The following SLC35F2 variants were observed in gnomAD, a reference collection of about 807,000 sequenced individuals.
SLC35F2 encodes solute carrier family 35 member F2, also known as queuine/queuosine transporter SLC35F2.
Under a neutral mutation model 38.1 loss-of-function variants are expected in SLC35F2, and 25 were observed. The observed-to-expected ratio is 0.66, with a 90% CI of 0.48 to 0.92. The LOEUF is 0.92. Ranked by LOEUF, SLC35F2 falls within the 40% of genes least tolerant of loss-of-function variation. SLC35F2 has a pLI of 0.00. For missense variants in SLC35F2, 409 were observed against 452.9 expected (o/e 0.90, Z 0.88); for synonymous variants, 173 against 181.7 (o/e 0.95, Z 0.38).
intron 1 of SLC35F2, among the ~76,000 whole-genome samples, chr11:107,839,950 A>C (rs954227584): frequency 1.3e-5 from 2 of 152,078 alleles, no homozygotes; most frequent in African/African-American, 4.8e-5. Flanking sequence ...ACCGTGCCCA[A>C]CCTGAAACAC....
At chr11:107,814,325 C>G (rs1373848727) in intron 2 of SLC35F2, among the ~76,000 whole-genome samples, 1 of 151,576 alleles carries the variant, frequency 6.6e-6, no homozygotes, top group Non-Finnish European at 1.5e-5. Flanking sequence ...TGTGGTGGCA[C>G]GTGCCTGTAA....
intron 1 of SLC35F2, among the ~76,000 whole-genome samples, chr11:107,840,498 C>T (rs71488283): frequency 0.059 from 8,970 of 152,272 alleles, 297 homozygotes; most frequent in East Asian, 0.099. Context: ...ACTAGATTTC[C>T]CTCATTGCGG....
intron 1 of SLC35F2, among the ~76,000 whole-genome samples, chr11:107,830,435 T>G (rs1859820646): frequency 1.3e-5 from 2 of 151,508 alleles, no homozygotes; most frequent in Admixed American, 1.3e-4. Context: ...AACACAAAAA[T>G]TAGCTGGGCA....
intron 1 of SLC35F2, among the ~76,000 whole-genome samples, chr11:107,848,774 G>A (rs1481123082): frequency 6.6e-6 from 1 of 152,122 alleles, no homozygotes; most frequent in African/African-American, 2.4e-5. Flanking sequence ...GGGTGCCAGA[G>A]GCCAGCCCAG....
chr11:107,836,858 T>C (rs1449791864), intron 1 of SLC35F2, among the ~76,000 whole-genome samples: 1 of 152,228 alleles, frequency 6.6e-6, no homozygotes, highest in Non-Finnish European at 1.5e-5. Context: ...CAACAATGCA[T>C]GTGATACTTT....
intron 3 of SLC35F2, among the ~76,000 whole-genome samples, 168 bp downstream of exon 3, chr11:107,811,499 A>C (rs1859479060): frequency 1.3e-5 from 2 of 152,238 alleles, no homozygotes; most frequent in South Asian, 4.1e-4. Flanking sequence ...CACTAATTCT[A>C]GGAAACATTA....
chr11:107,822,395 T>C (rs1226546794), intron 1 of SLC35F2, among the ~76,000 whole-genome samples: 2 of 152,218 alleles, frequency 1.3e-5, no homozygotes, highest in African/African-American at 2.4e-5. Context: ...TTTATTTACA[T>C]CTTCAGTCAG....
chr11:107,796,929 T>C (rs994807562), intron 7 of SLC35F2, among the ~76,000 whole-genome samples: 1 of 152,158 alleles, frequency 6.6e-6, no homozygotes, highest in Non-Finnish European at 1.5e-5. Context: ...TGTCTTGGCC[T>C]CCCAAAGTGG....
At chr11:107,812,116 G>A (rs1439271057) in intron 2 of SLC35F2, among the ~76,000 whole-genome samples, 1 of 152,084 alleles carries the variant, frequency 6.6e-6, no homozygotes, top group Non-Finnish European at 1.5e-5. Context: ...ATGTTGCCCA[G>A]GCTGGTCTTG....
chr11:107,799,075 CAAACA>C (rs2134761914), intron 7 of SLC35F2, among the ~76,000 whole-genome samples: 1 of 152,294 alleles, frequency 6.6e-6, no homozygotes, highest in Non-Finnish European at 1.5e-5. Flanking sequence ...GACTCTGTCG[CAAACA>C]AAACAAACTA....
chr11:107,834,377 G>A (rs1167527599), intron 1 of SLC35F2, among the ~76,000 whole-genome samples: 2 of 152,154 alleles, frequency 1.3e-5, no homozygotes, highest in Admixed American at 6.6e-5. Flanking sequence ...GCGGCTGGGC[G>A]CGGTGGCTCA....
chr11:107,812,352 A>T (rs1439342291), intron 2 of SLC35F2, among the ~76,000 whole-genome samples: 1 of 152,124 alleles, frequency 6.6e-6, no homozygotes, highest in Non-Finnish European at 1.5e-5. Flanking sequence ...AAAGCACCAG[A>T]ATGAAAGTAA....
intron 1 of SLC35F2, among the ~76,000 whole-genome samples, chr11:107,830,390 C>G (rs568829763): frequency 6.6e-6 from 1 of 151,880 alleles, no homozygotes. Flanking sequence ...TCGAGAACAT[C>G]CTGGCCAACA....
rs201609405 is a variant in SLC35F2 at position 107,857,221 on chromosome 11, AGGAGGGAG to A, written c.110+1429_110+1436del. Among the ~76,000 whole-genome samples, 5 of 79,788 alleles carry A rather than the reference AGGAGGGAG, an allele frequency of 6.3e-5. No individual in the cohort carries two copies. The South Asian group carries it at 1.4e-3, about 22-fold the overall frequency. The allele number at this position is 79,788 out of a possible 152,430, so 52.3% of individuals were successfully genotyped here. A position where few individuals can be genotyped will look rare whatever the true frequency, so the allele number is the denominator to read the frequency against. Reference sequence around the variant, plus strand: ...CACGGACGGAAGGAAGGAACAAAGAAGGAGGGAGGGAGGGAGGGAGGGAACTGGAGTAC... The same window carrying A: ...CACGGACGGAAGGAAGGAACAAAGAAGGAGGGAGGGAGGGAACTGGAGTAC... On this transcript the variant is annotated intron_variant, in intron 1 of 7. Coordinates refer to ENST00000525815, the MANE Select transcript of SLC35F2 (RefSeq NM_017515.5).
In SLC35F2 at chr11:107,850,737, G is replaced by A. The variant is rs142712543; in HGVS notation, c.110+7921C>T. Among the ~76,000 whole-genome samples the A allele has an allele frequency of 4.3e-3, 636 of 149,048 alleles. 2 individuals are homozygous for A. The highest frequency in any genetic ancestry group is 0.015 in the African/African-American group (608 of 40,444). ...CTCGGGAGGCTGAGGCAAGAGATTCGTTTGAACCAAGAGGGGGAGGCTGCA... is the reference window on the plus strand; with the variant it reads ...CTCGGGAGGCTGAGGCAAGAGATTCATTTGAACCAAGAGGGGGAGGCTGCA... On this transcript the variant is annotated intron_variant, in intron 1 of 7. Coordinates refer to ENST00000525815, the MANE Select transcript of SLC35F2 (RefSeq NM_017515.5).
chr11:107,806,915 T>C, intron 3 of SLC35F2, 39 bp from the exon 4 acceptor site: 2 of 1,587,234 alleles, frequency 1.3e-6, no homozygotes. Flanking sequence ...AACATATCTC[T>C]CATTAGCTAA....
At chr11:107,822,871 A>C (rs1247772276) in intron 1 of SLC35F2, among the ~76,000 whole-genome samples, 1 of 152,128 alleles carries the variant, frequency 6.6e-6, no homozygotes, top group Non-Finnish European at 1.5e-5. Context: ...AAGGTATTTT[A>C]GGAAGATTGA....
At chr11:107,803,241 C>T in intron 6 of SLC35F2, 86 bp from the exon 7 acceptor site, 1 of 1,438,572 alleles carries the variant, frequency 7.0e-7, no homozygotes, top group Non-Finnish European at 9.2e-7. Flanking sequence ...ATATAAAACT[C>T]CCTAACCCTT....
At chr11:107,836,384 G>A (rs1389805647) in intron 1 of SLC35F2, among the ~76,000 whole-genome samples, 1 of 151,022 alleles carries the variant, frequency 6.6e-6, no homozygotes, top group Non-Finnish European at 1.5e-5. Flanking sequence ...ACCACTAAAT[G>A]TAGGTGGAAG....
Sources: gnomAD v4.1 joint callset for allele counts (sites outside exome capture counted in the v4.1 genomes callset) on GRCh38, gnomAD v4.1.1 for gene constraint, MANE v1.5 for transcripts, NCBI Gene and HGNC (gene_info 2026-07-23, HGNC 2026-07-21) for gene names.